Variants in NGRN observed in about 807,000 individuals in gnomAD.
NGRN encodes neugrin, neurite outgrowth associated.
In NGRN, 12 loss-of-function variants were observed where a neutral mutation model predicts 13.1. The ratio of observed to expected loss-of-function variants is 0.92; its 90% CI spans 0.59 to 1.49. The LOEUF (loss-of-function observed/expected upper bound fraction) is 1.49. NGRN is among the 40% of genes most tolerant of loss of function. NGRN has a pLI of 0.00. For missense variants in NGRN, 397 were observed against 357.0 expected, an observed-to-expected ratio of 1.11 and a Z score of -0.90; for synonymous variants, 149 against 145.8, an observed-to-expected ratio of 1.02 and a Z score of -0.16.
intron 2 of NGRN, among the ~76,000 whole-genome samples, chr15:90,267,262 G>A (rs1395199115): frequency 6.6e-6 from 1 of 151,562 alleles, no homozygotes; most frequent in East Asian, 1.9e-4. Context: ...AATTCCCAGG[G>A]CTCAAGCGAT....
In NGRN at chr15:90,265,708, T is replaced by C. The variant is rs902220397; in HGVS notation, c.-5T>C. On this transcript the variant is annotated 5_prime_UTR_variant, in exon 1 of 3. Transcript: ENST00000379095. ...GCCGACTGCTGAAGGCTGGTTTGCG[T>C]CGACATGGCGGTTACCCTGAGTCTC... The C allele has an allele frequency of 2.5e-6, 4 of 1,613,158 alleles. No individual in the cohort carries two copies. Among genetic ancestry groups the C allele is most frequent in the East Asian group, 2.2e-5 (1 of 44,874 alleles).
In NGRN at chr15:90,271,188, G is replaced by A. The variant is rs143514320; in HGVS notation, c.276G>A (p.Arg92=). The change falls in exon 3 of 3, where the codon CGG becomes CGA. Residue 92 remains arginine (R), a splice_region_variant and synonymous_variant. Coordinates refer to ENST00000379095, the MANE Select transcript of NGRN (RefSeq NM_001033088.3). Reference sequence around the variant, plus strand: ...GCAAACCTGCTCCTTCTTCCCGTAGGTATTTACATGAGGAATTTCCAGAGT... The same window carrying A: ...GCAAACCTGCTCCTTCTTCCCGTAGATATTTACATGAGGAATTTCCAGAGT... ...TLTWEAMEQI[R]YLHEEFPESW... 26 of 1,609,304 alleles carry A rather than the reference G, an allele frequency of 1.6e-5. No individual in the cohort carries two copies. The highest frequency in any genetic ancestry group is 2.0e-5 in the Non-Finnish European group (24 of 1,177,818).
intron 2 of NGRN, among the ~76,000 whole-genome samples, chr15:90,267,662 C>T (rs1405513315): frequency 6.6e-6 from 1 of 151,990 alleles, no homozygotes; most frequent in African/African-American, 2.4e-5. Flanking sequence ...TTTAACCTGT[C>T]TTTTATTGTG....
At chr15:90,271,038 C>G in intron 2 of NGRN, 150 bp from the exon 3 acceptor site, 1 of 894,300 alleles carries the variant, frequency 1.1e-6, no homozygotes, top group Non-Finnish European at 1.7e-6. Context: ...TCAAGTGATC[C>G]GCCTATCTCG....
intron 2 of NGRN, among the ~76,000 whole-genome samples, chr15:90,267,860 A>G (rs973817867): frequency 6.6e-6 from 1 of 152,196 alleles, no homozygotes; most frequent in Admixed American, 6.5e-5. Context: ...CCCTACATAG[A>G]TTATGTACTA....
In NGRN at chr15:90,271,909, C is replaced by G; in HGVS notation, c.*121C>G. On this transcript the variant is annotated 3_prime_UTR_variant, in exon 3 of 3. Transcript: ENST00000379095. ...CCTTGGAATAGGAAGAGGTGTTGAGCCTGGACTGTGGGAGGAAAGAGCTGC... is the reference window on the plus strand; with the variant it reads ...CCTTGGAATAGGAAGAGGTGTTGAGGCTGGACTGTGGGAGGAAAGAGCTGC... The G allele has an allele frequency of 7.3e-7, 1 of 1,379,090 alleles. No individual in the cohort carries two copies. Among genetic ancestry groups the G allele is most frequent in the African/African-American group, 1.4e-5 (1 of 69,498 alleles). 85.4% of individuals were successfully genotyped at this position (1,379,090 alleles called of 1,614,324 possible). A position where few individuals can be genotyped will look rare whatever the true frequency, so the allele number is the denominator to read the frequency against.
At position 90,271,490 on chromosome 15, in the gene NGRN, T is replaced by C. The variant is rs1445689259; in HGVS notation, c.578T>C (p.Val193Ala). 6.2e-7 allele frequency: 1 copy of C among 1,613,924 alleles called. No individual in the cohort carries two copies. The highest frequency in any genetic ancestry group is 8.5e-7 in the Non-Finnish European group (1 of 1,179,982). Residue 193 changes from valine to alanine, a missense_variant, in exon 3 of 3, where the codon GTG (valine) becomes GCG (alanine). Physicochemically the swap from Val to Ala is moderately conservative, Grantham distance 64. Coordinates refer to ENST00000379095, the MANE Select transcript of NGRN (RefSeq NM_001033088.3). ...CCAAATCACAGCACAGCTTTGAAAG[T>C]GATAGAGTCAGACACTCACAGGACA... Reference protein sequence around the residue: ...KDPNHSTALKVIESDTHRTNT... With the variant: ...KDPNHSTALKAIESDTHRTNT...
intron 2 of NGRN, among the ~76,000 whole-genome samples, chr15:90,270,773 ACTAGCACAAGATTTAG>A (rs1304976177): frequency 6.8e-6 from 1 of 147,986 alleles, no homozygotes; most frequent in African/African-American, 2.7e-5. Context: ...CAAGATAGGG[ACTAGCACAAGATTTAG>A]CTAGCACAAG....
At chr15:90,268,565 A>C (rs1963461060) in intron 2 of NGRN, among the ~76,000 whole-genome samples, 1 of 151,964 alleles carries the variant, frequency 6.6e-6, no homozygotes, top group South Asian at 2.1e-4. Flanking sequence ...GCATAAGATT[A>C]CTCAAGGACC....
At chr15:90,268,427 T>G (rs1383762856) in intron 2 of NGRN, among the ~76,000 whole-genome samples, 1 of 151,874 alleles carries the variant, frequency 6.6e-6, no homozygotes, top group African/African-American at 2.4e-5. Flanking sequence ...GTAAAAACTT[T>G]CAGCTTCCTG....
chr15:90,266,142 C>A, intron 1 of NGRN, 146 bp from the exon 2 acceptor site: 2 of 1,453,558 alleles, frequency 1.4e-6, no homozygotes, highest in South Asian at 1.5e-5. Flanking sequence ...TCTGGGTGTA[C>A]GGAGCAGCTC....
intron 2 of NGRN, 34 bp from the exon 3 acceptor site, chr15:90,271,154 T>C (rs1181211795): frequency 6.3e-7 from 1 of 1,589,034 alleles, no homozygotes; most frequent in African/African-American, 1.4e-5. Context: ...GGAGACTTCT[T>C]CACAACTTGC....
intron 2 of NGRN, among the ~76,000 whole-genome samples, 172 bp from the exon 3 acceptor site, chr15:90,271,016 G>C (rs534089025): frequency 5.0e-4 from 76 of 152,102 alleles, no homozygotes; most frequent in Non-Finnish European, 9.6e-4. Flanking sequence ...CACTGGTCTC[G>C]AACTCCTGGG....
At position 90,269,367 on chromosome 15, in the gene NGRN, T is replaced by C. The variant is rs542478435; in HGVS notation, c.276-1821T>C. On this transcript the variant is annotated intron_variant, in intron 2 of 2. Coordinates refer to ENST00000379095, the MANE Select transcript of NGRN (RefSeq NM_001033088.3). Reference sequence around the variant, plus strand: ...ATTTTACTTTAAGTTCTGGGGTACATGTGCAGAATGTGCAGGTTTGTTATA... The same window carrying C: ...ATTTTACTTTAAGTTCTGGGGTACACGTGCAGAATGTGCAGGTTTGTTATA... Among the ~76,000 whole-genome samples the C allele has an allele frequency of 2.8e-4, 42 of 151,844 alleles. 1 individual carries two copies. In the East Asian group the frequency reaches 5.4e-3, roughly 20 times the overall value.
upstream of NGRN, chr15:90,265,671 T>G: frequency 6.2e-7 from 1 of 1,608,516 alleles, no homozygotes; most frequent in Non-Finnish European, 8.5e-7. Flanking sequence ...CTACTTCCGC[T>G]GCTGTTTCGT....
chr15:90,270,552 C>CTATA (rs1303071115), intron 2 of NGRN, among the ~76,000 whole-genome samples: 2 of 152,166 alleles, frequency 1.3e-5, no homozygotes, highest in African/African-American at 4.8e-5. Context: ...GCATCCTGTG[C>CTATA]TATAACCTTT....
chr15:90,265,671 T>C, upstream of NGRN: 2 of 1,608,516 alleles, frequency 1.2e-6, no homozygotes, highest in African/African-American at 1.3e-5. Flanking sequence ...CTACTTCCGC[T>C]GCTGTTTCGT....
chr15:90,267,250 C>T (rs1401491902), intron 2 of NGRN, among the ~76,000 whole-genome samples: 1 of 151,770 alleles, frequency 6.6e-6, no homozygotes, highest in African/African-American at 2.4e-5. Flanking sequence ...ATGCTAGTCT[C>T]CAATTCCCAG....
chr15:90,265,717 C>A lies in NGRN; in HGVS notation c.5C>A (p.Ala2Glu). The A allele has an allele frequency of 6.2e-7, 1 of 1,613,194 alleles. No homozygotes were observed. The highest frequency in any genetic ancestry group is 1.1e-5 in the South Asian group (1 of 91,036). Residue 2 changes from alanine (A) to glutamate (E), a missense_variant, in exon 1 of 3, where the codon GCG becomes GAG. Transcript: ENST00000379095. M[A>E]VTLSLLLGGR... ...TGAAGGCTGGTTTGCGTCGACATGGCGGTTACCCTGAGTCTCTTGCTGGGC... is the reference window on the plus strand; with the variant it reads ...TGAAGGCTGGTTTGCGTCGACATGGAGGTTACCCTGAGTCTCTTGCTGGGC...
Sources: allele counts gnomAD v4.1 joint callset (sites outside exome capture counted in the v4.1 genomes callset), GRCh38; gene constraint gnomAD v4.1.1; transcripts MANE v1.5; gene names NCBI Gene and HGNC (gene_info 2026-07-23, HGNC 2026-07-21).